AHI1: variants seen among roughly 807,000 people sequenced by gnomAD.
AHI1 encodes the protein Abelson helper integration site 1.
In AHI1, 123 loss-of-function variants were observed where a neutral mutation model predicts 149.3. That is an observed-to-expected ratio of 0.82 (90% CI 0.71 to 0.96). AHI1 has a LOEUF of 0.96. AHI1 is among the 40% of genes least tolerant of loss of function. The probability of loss-of-function intolerance (pLI) is 0.00; values close to 1 mark genes in which losing one functional copy is unlikely to be tolerated. For missense variants in AHI1, 1,439 were observed against 1,422.7 expected (o/e 1.01, Z -0.18); for synonymous variants, 475 against 459.8 (o/e 1.03, Z -0.42).
At chr6:135,298,115 T>A (rs117246220) in intron 27 of AHI1, among the ~76,000 whole-genome samples, 1 of 152,158 alleles carries the variant, frequency 6.6e-6, no homozygotes, top group African/African-American at 2.4e-5. Context: ...AGCATATTTA[T>A]AGCAGCCTCA....
At position 135,484,924 on chromosome 6, in the gene AHI1, A is replaced by G. The variant is rs111962416; in HGVS notation, c.135+5699T>C. On this transcript the variant is annotated intron_variant, in intron 5 of 28. Transcript: ENST00000265602. ...AATGTTAAACCAGCCAGCCATTTTT[A>G]ATTTCTTATGGAAATATCTGCCTAT... Among the ~76,000 whole-genome samples, 141 of 152,288 alleles carry G rather than the reference A, an allele frequency of 9.3e-4. 1 individual carries two copies. The highest frequency in any genetic ancestry group is 3.3e-3 in the African/African-American group (137 of 41,564).
In AHI1 at chr6:135,442,701, G is replaced by A. The variant is rs1025626043; in HGVS notation, c.1793C>T (p.Pro598Leu). The change falls in exon 14 of 29, where the codon CCA becomes CTA. Residue 598 changes from proline to leucine, a missense_variant. Physicochemically the swap from Pro to Leu is moderately conservative, Grantham distance 98. Transcript: ENST00000265602. The stretch of plus-strand genomic sequence containing the variant: ...ATTTAGTGAGAAGAGGTGTTTGTTT[G>A]GGATACGGCAAGCCTAAAAAACATA... ...KRLPGQACRIPNKHLFSLNAG... is the reference protein window; with the variant it reads ...KRLPGQACRILNKHLFSLNAG... 6.2e-7 allele frequency: 1 copy of A among 1,608,200 alleles called. No individual in the cohort carries two copies. The highest frequency in any genetic ancestry group is 1.3e-5 in the African/African-American group (1 of 74,886).
At chr6:135,407,608 T>C (rs962152978) in intron 21 of AHI1, among the ~76,000 whole-genome samples, 1 of 152,210 alleles carries the variant, frequency 6.6e-6, no homozygotes, top group Non-Finnish European at 1.5e-5. Context: ...CTCTAAATAA[T>C]TTTAAAAAGA....
At chr6:135,481,269 T>C (rs1793594479) in intron 5 of AHI1, among the ~76,000 whole-genome samples, 1 of 152,256 alleles carries the variant, frequency 6.6e-6, no homozygotes. Flanking sequence ...ATTACGTTTC[T>C]GGTATTCTGT....
chr6:135,309,585 C>T (rs1398040783), intron 26 of AHI1, among the ~76,000 whole-genome samples: 2 of 151,406 alleles, frequency 1.3e-5, no homozygotes, highest in African/African-American at 2.4e-5. Context: ...TGAGATCAAG[C>T]GATTCTCCTG....
chr6:135,391,534 G>A (rs539929821), intron 23 of AHI1, among the ~76,000 whole-genome samples: 3 of 152,240 alleles, frequency 2.0e-5, no homozygotes, highest in East Asian at 3.9e-4. Context: ...GCACCTAGGC[G>A]TGTGGGTCGG....
chr6:135,329,048 C>G (rs1381470194), intron 24 of AHI1, among the ~76,000 whole-genome samples: 1 of 152,164 alleles, frequency 6.6e-6, no homozygotes, highest in Non-Finnish European at 1.5e-5. Context: ...AAGTTGGAAG[C>G]TAGCAGAGGT....
At chr6:135,412,213 T>G (rs57117459) in intron 20 of AHI1, among the ~76,000 whole-genome samples, 1,785 of 152,274 alleles carry the variant, frequency 0.012, 39 homozygotes, top group African/African-American at 0.041. Flanking sequence ...GTATGATAAC[T>G]ATTTACATAG....
intron 19 of AHI1, 46 bp downstream of exon 19, chr6:135,428,583 C>T (rs1198207426): frequency 1.3e-6 from 2 of 1,566,220 alleles, no homozygotes; most frequent in South Asian, 1.2e-5. Flanking sequence ...CTTCTTCAAA[C>T]CCCTGTACCT....
intron 23 of AHI1, among the ~76,000 whole-genome samples, chr6:135,367,200 T>C (rs927419147): frequency 3.9e-5 from 6 of 152,226 alleles, no homozygotes; most frequent in Admixed American, 6.5e-5. Context: ...CAATCCCTTC[T>C]AGCTTCTAGG....
chr6:135,490,843 C>A, intron 4 of AHI1, 96 bp from the exon 5 acceptor site: 2 of 1,415,128 alleles, frequency 1.4e-6, no homozygotes, highest in South Asian at 1.4e-5. Context: ...TTGTAAATAT[C>A]GGCATGAGTT....
intron 25 of AHI1, among the ~76,000 whole-genome samples, chr6:135,319,763 T>C (rs1786521922): frequency 6.6e-6 from 1 of 152,140 alleles, no homozygotes; most frequent in African/African-American, 2.4e-5. Flanking sequence ...GATATACTAA[T>C]TGTCTTTGTA....
intron 8 of AHI1, among the ~76,000 whole-genome samples, chr6:135,460,035 T>C (rs1789623649): frequency 6.6e-6 from 1 of 151,894 alleles, no homozygotes; most frequent in Non-Finnish European, 1.5e-5. Context: ...CTACAAAAAT[T>C]AGCCAAGAAT....
At chr6:135,487,654 G>A (rs1401801639) in intron 5 of AHI1, among the ~76,000 whole-genome samples, 1 of 152,064 alleles carries the variant, frequency 6.6e-6, no homozygotes, top group African/African-American at 2.4e-5. Context: ...ATTACTCCAA[G>A]CATTTATCTT....
intron 23 of AHI1, chr6:135,387,698 T>C: frequency 1.1e-6 from 1 of 889,980 alleles, no homozygotes; most frequent in Non-Finnish European, 1.4e-6. Flanking sequence ...TTTATTAAGT[T>C]GTATCTTAAA....
At chr6:135,453,560 A>T in intron 10 of AHI1, 124 bp from the exon 11 acceptor site, 1 of 706,144 alleles carries the variant, frequency 1.4e-6, no homozygotes, top group Non-Finnish European at 2.3e-6. Flanking sequence ...AGGGAATAAA[A>T]ACATTTTTAT....
intron 7 of AHI1, among the ~76,000 whole-genome samples, chr6:135,464,699 T>C (rs1269260022): frequency 6.6e-6 from 1 of 152,180 alleles, no homozygotes. Flanking sequence ...AAGGAACTGG[T>C]ATACCGGGCC....
At chr6:135,435,309 T>C (rs1054007646) in intron 15 of AHI1, 1 of 152,192 alleles carries the variant, frequency 6.6e-6, no homozygotes, top group East Asian at 1.9e-4. Context: ...TGCTTTAGCA[T>C]AATATACTAC....
At chr6:135,405,518 G>C (rs754665705) in intron 21 of AHI1, among the ~76,000 whole-genome samples, 6 of 152,008 alleles carry the variant, frequency 3.9e-5, no homozygotes, top group Admixed American at 2.0e-4. Flanking sequence ...AGTAAAAGTC[G>C]ATGTATTATG....
Sources: gnomAD v4.1 joint callset for allele counts (sites outside exome capture counted in the v4.1 genomes callset) on GRCh38, gnomAD v4.1.1 for gene constraint, MANE v1.5 for transcripts, NCBI Gene and HGNC (gene_info 2026-07-23, HGNC 2026-07-21) for gene names.